Variants in CBLC observed in about 807,000 individuals in gnomAD.
CBLC encodes the protein Cbl proto-oncogene C.
CBLC carries 46 observed loss-of-function variants against 58.6 expected under a neutral mutation model. The observed-to-expected ratio is 0.79, with a 90% CI of 0.62 to 1.00. The LOEUF (loss-of-function observed/expected upper bound fraction) is 1.00, where lower values mean the gene tolerates loss of function less well. Ranked by LOEUF, CBLC falls within the 50% of genes least tolerant of loss-of-function variation. CBLC has a pLI of 0.00. For synonymous variants in CBLC, 271 were observed against 264.2 expected, an observed-to-expected ratio of 1.03 and a Z score of -0.25; for missense variants, 655 against 625.8, an observed-to-expected ratio of 1.05 and a Z score of -0.50.
intron 1 of CBLC, 60 bp downstream of exon 1, chr19:44,778,344 C>G: frequency 2.2e-6 from 3 of 1,351,480 alleles, no homozygotes; most frequent in South Asian, 3.7e-5. Context: ...GCTCCCAGCC[C>G]CTCCTCCCCC....
rs1599859977 is a variant in CBLC, at chr19:44,782,546, C to A, written c.779+55C>A. 8 of 1,477,100 alleles carry A rather than the reference C, an allele frequency of 5.4e-6. No individual in the cohort carries two copies. In the East Asian group the frequency reaches 1.6e-4, roughly 29 times the overall value. The allele number at this position is 1,477,100 out of a possible 1,614,324, so 91.5% of individuals were successfully genotyped here. ...GCTGCAGGGCTCAGGGATCTGGGCT[C>A]TGGGCTGGTGCGTGGTGGAGCCCAG... On this transcript the variant is annotated intron_variant, in intron 4 of 10. Transcript: ENST00000647358.
intron 3 of CBLC, 40 bp downstream of exon 3, chr19:44,781,403 G>A (rs756219241): frequency 6.3e-7 from 1 of 1,586,088 alleles, no homozygotes. Flanking sequence ...CTTGGGTCCA[G>A]GAGGAAGTAG....
In CBLC at chr19:44,800,463, C is replaced by CCTAA. The variant is rs1568567280; in HGVS notation, c.*7+15_*7+18dup. 3.8e-6 allele frequency: 6 copies of CCTAA among 1,573,870 alleles called. No homozygotes were observed. The Admixed American group carries it at 1.0e-4, about 26-fold the overall frequency. ...GCCTGAAGGCCAGGTGAGTCCATTC[C>CCTAA]CTAACCCTCCCTGGCCCACTCCACC... On this transcript the variant is annotated intron_variant, in intron 10 of 10. Transcript: ENST00000647358.
chr19:44,782,115 G>T lies in CBLC; in HGVS notation c.658-255G>T, dbSNP rs561726027. ...ACTCCAGGGTCTGAGGGAGGAGGGG[G>T]TGAGGGCCTGGACTCCAGGGTTTGA... On this transcript the variant is annotated intron_variant, in intron 3 of 10. Transcript: ENST00000647358. Among the ~76,000 whole-genome samples, 667 of 142,338 alleles carry T rather than the reference G, an allele frequency of 4.7e-3. 6 individuals are homozygous for T. Among genetic ancestry groups the T allele is most frequent in the African/African-American group, 0.016 (620 of 38,008 alleles). 93.4% of individuals were successfully genotyped at this position (142,338 alleles called of 152,430 possible).
chr19:44,778,078 C>A lies in CBLC; in HGVS notation c.147C>A (p.Pro49=). The part of the protein sequence containing the change: ...VSPPSLRDLL[P]RTAQLLREVA... The stretch of plus-strand genomic sequence containing the variant: ...CCCCTTCGCTGCGGGACCTGCTGCC[C>A]CGCACAGCGCAGCTGCTTCGAGAGG... Residue 49 remains proline (P), a synonymous_variant, in exon 1 of 11, where the codon CCC becomes CCA. Coordinates refer to ENST00000647358, the MANE Select transcript of CBLC (RefSeq NM_012116.4). 6.2e-7 allele frequency: 1 copy of A among 1,608,244 alleles called. No individual in the cohort carries two copies. The highest frequency in any genetic ancestry group is 8.5e-7 in the Non-Finnish European group (1 of 1,179,540).
At chr19:44,784,426 A>C (rs371738440) in intron 5 of CBLC, 25 bp downstream of exon 5, 3 of 1,549,798 alleles carry the variant, frequency 1.9e-6, no homozygotes, top group Admixed American at 1.7e-5. Context: ...TGGTAGGAGG[A>C]GGGTGTCAGC....
chr19:44,788,479 C>CTTTT (rs1293573931), intron 5 of CBLC, among the ~76,000 whole-genome samples: 3 of 118,578 alleles, frequency 2.5e-5, no homozygotes, highest in Non-Finnish European at 5.4e-5. Context: ...TTTAAAATTT[C>CTTTT]TTTTTTTTTT....
chr19:44,778,057 T>C lies in CBLC; in HGVS notation c.126T>C (p.Pro42=). The change falls in exon 1 of 11, where the codon CCT becomes CCC. Residue 42 remains proline, a synonymous_variant. Transcript: ENST00000647358. ...CVDPRLSVSP[P]SLRDLLPRTA... is the part of the protein sequence containing the mutation. ...ACCCCCGGCTGTCCGTGAGTCCCCC[T>C]TCGCTGCGGGACCTGCTGCCCCGCA... 1 of 1,608,840 alleles carries C rather than the reference T, an allele frequency of 6.2e-7. No individual in the cohort carries two copies.
intron 10 of CBLC, 48 bp downstream of exon 10, chr19:44,800,498 C>T (rs1968272543): frequency 2.5e-6 from 3 of 1,207,516 alleles, no homozygotes; most frequent in Admixed American, 3.6e-5. Flanking sequence ...CCCACTCCAC[C>T]CTCCTCCACC....
rs370388709 is a variant in CBLC at position 44,784,396 on chromosome 19, C to T, written c.912C>T (p.Asp304=). ...AGGTGCTCCTGGAGGGACAGAAGGA[C>T]GGCTTGTGAGTCTCCATTCTGGTAG... The part of the protein sequence containing the change: ...LSQVLLEGQK[D]GFYLYPDGKT... The change falls in exon 5 of 11, where the codon GAC becomes GAT. Residue 304 remains aspartate, a synonymous_variant. Transcript: ENST00000647358. 96 of 1,580,226 alleles carry T rather than the reference C, an allele frequency of 6.1e-5. No homozygotes were observed. Among genetic ancestry groups the T allele is most frequent in the Non-Finnish European group, 7.8e-5 (90 of 1,153,806 alleles).
At chr19:44,796,029 AC>A (rs1968170985) in intron 9 of CBLC, among the ~76,000 whole-genome samples, 1 of 152,068 alleles carries the variant, frequency 6.6e-6, no homozygotes, top group Non-Finnish European at 1.5e-5. Context: ...AGCCTAACCA[AC>A]ATGGTGAAAC....
At position 44,798,451 on chromosome 19, in the gene CBLC, T is replaced by C. The variant is rs191047228; in HGVS notation, c.1363-1930T>C. On this transcript the variant is annotated intron_variant, in intron 9 of 10. Transcript: ENST00000647358. ...GCAGCCAAGCGCGGTGGCTCACACGTGTAATCTCAGCACTTTGGGAGGCCG... is the reference window on the plus strand; with the variant it reads ...GCAGCCAAGCGCGGTGGCTCACACGCGTAATCTCAGCACTTTGGGAGGCCG... 6.1e-3 allele frequency among the ~76,000 whole-genome samples: 931 copies of C among 152,106 alleles called. 11 individuals are homozygous for C. The highest frequency in any genetic ancestry group is 0.021 in the African/African-American group (875 of 41,520).
chr19:44,781,392 A>T, intron 3 of CBLC, 29 bp downstream of exon 3: 3 of 1,597,012 alleles, frequency 1.9e-6, no homozygotes, highest in Non-Finnish European at 2.6e-6. Context: ...TGGGAGCTAG[A>T]CTTGGGTCCA....
In CBLC at chr19:44,781,189, C is replaced by G. The variant is rs755586372; in HGVS notation, c.501-18C>G. ...TGGGAGGCCTCAGCGGTGTCTCCCCCACCCCTCTCCCACCCAGGTGTGTGC... is the reference window on the plus strand; with the variant it reads ...TGGGAGGCCTCAGCGGTGTCTCCCCGACCCCTCTCCCACCCAGGTGTGTGC... On this transcript the variant is annotated intron_variant, in intron 2 of 10. Coordinates refer to ENST00000647358, the MANE Select transcript of CBLC (RefSeq NM_012116.4). 3.7e-6 allele frequency: 6 copies of G among 1,601,584 alleles called. No homozygotes were observed. The highest frequency in any genetic ancestry group is 4.5e-5 in the East Asian group (2 of 44,720).
intron 4 of CBLC, among the ~76,000 whole-genome samples, chr19:44,782,998 G>T (rs1967790134): frequency 6.6e-6 from 1 of 152,172 alleles, no homozygotes; most frequent in South Asian, 2.1e-4. Flanking sequence ...GGGTAGGACG[G>T]TGAGTGCGTT....
At position 44,794,299 on chromosome 19, in the gene CBLC, C is replaced by G. The variant is rs1321578316; in HGVS notation, c.1362+18C>G. The G allele has an allele frequency of 2.5e-6, 4 of 1,611,328 alleles. No homozygotes were observed. The highest frequency in any genetic ancestry group is 3.4e-6 in the Non-Finnish European group (4 of 1,178,488). The stretch of plus-strand genomic sequence containing the variant: ...CGAAAGTGGTGAGTCAGGCGCTGGT[C>G]TGAGGTTGGGGGCTGGGGTCTCACT... On this transcript the variant is annotated intron_variant, in intron 9 of 10. Coordinates refer to ENST00000647358, the MANE Select transcript of CBLC (RefSeq NM_012116.4).
intron 5 of CBLC, among the ~76,000 whole-genome samples, chr19:44,786,313 C>T (rs550168101): frequency 6.6e-6 from 1 of 151,612 alleles, no homozygotes. Context: ...TATTCAAGGC[C>T]GGGCGCAGTG....
At chr19:44,784,968 T>TTTTG (rs1568558727) in intron 5 of CBLC, among the ~76,000 whole-genome samples, 1 of 114,040 alleles carries the variant, frequency 8.8e-6, no homozygotes, top group Non-Finnish European at 1.8e-5. Flanking sequence ...TTTTTTTTTT[T>TTTTG]TTTTTTTTTT....
chr19:44,780,282 C>A (rs1967685007), intron 1 of CBLC, among the ~76,000 whole-genome samples: 1 of 150,452 alleles, frequency 6.6e-6, no homozygotes, highest in Admixed American at 6.7e-5. Context: ...TTACAGGCAC[C>A]CGCCACCACG....
Sources: allele counts gnomAD v4.1 joint callset (sites outside exome capture counted in the v4.1 genomes callset), GRCh38; gene constraint gnomAD v4.1.1; transcripts MANE v1.5; gene names NCBI Gene and HGNC (gene_info 2026-07-23, HGNC 2026-07-21).